The following LONP1 variants were observed in gnomAD, a reference collection of about 807,000 sequenced individuals.
LONP1 encodes lon protease homolog, mitochondrial.
LONP1 carries 31 observed loss-of-function variants against 98.5 expected under a neutral mutation model. The observed-to-expected ratio is 0.31, with a 90% CI of 0.24 to 0.42. The LOEUF (loss-of-function observed/expected upper bound fraction) is 0.42. LONP1 is among the 20% of genes least tolerant of loss of function. LONP1 has a pLI of 1.00. For missense variants in LONP1, 1,336 were observed against 1,350.6 expected (o/e 0.99, Z 0.17); for synonymous variants, 781 against 594.7 (o/e 1.31, Z -4.56).
chr19:5,714,641 C>T (rs1249138044), intron 1 of LONP1, among the ~76,000 whole-genome samples: 11 of 133,284 alleles, frequency 8.3e-5, no homozygotes, highest in African/African-American at 1.1e-4. Flanking sequence ...TTTTCTGAGA[C>T]GGAGTCTCGC....
chr19:5,696,134 T>C lies in LONP1; in HGVS notation c.1933A>G (p.Ile645Val), dbSNP rs775741225. The C allele has an allele frequency of 1.9e-6, 3 of 1,612,854 alleles. No homozygotes were observed. Among genetic ancestry groups the C allele is most frequent in the African/African-American group, 1.3e-5 (1 of 74,910 alleles). The change falls in exon 13 of 18, where the codon ATC becomes GTC. Residue 645 changes from isoleucine to valine, a missense_variant. Around this residue, in one of 5 missense-constraint regions of LONP1, gnomAD observed 555 missense variants for 542.6 expected, o/e 1.02. Coordinates refer to ENST00000360614, the MANE Select transcript of LONP1 (RefSeq NM_004793.4). ...FICTANVTDT[I>V]PEPLRDRMEM... Reference sequence around the variant, plus strand: ...ATACGGTCTCGCAGCGGCTCGGGGATGGTGTCCGTGACGTTGGCCGTGCAG... The same window carrying C: ...ATACGGTCTCGCAGCGGCTCGGGGACGGTGTCCGTGACGTTGGCCGTGCAG...
chr19:5,702,256 G>A (rs1295705583), intron 8 of LONP1, among the ~76,000 whole-genome samples: 1 of 135,386 alleles, frequency 7.4e-6, no homozygotes, highest in Non-Finnish European at 1.6e-5. Context: ...GGAGGTTGGG[G>A]GGGGGGTCAG....
At chr19:5,712,089 C>T in intron 3 of LONP1, 87 bp from the exon 4 acceptor site, 1 of 1,138,596 alleles carries the variant, frequency 8.8e-7, no homozygotes, top group Non-Finnish European at 1.2e-6. Flanking sequence ...ACAGGTGGTC[C>T]AAGGGTCCCG....
chr19:5,693,850 A>G (rs2054876672), intron 15 of LONP1, 81 bp from the exon 16 acceptor site: 1 of 1,189,726 alleles, frequency 8.4e-7, no homozygotes, highest in African/African-American at 1.5e-5. Context: ...GGCCACTCTG[A>G]CCGCTCCTGC....
At chr19:5,720,161 C>T, upstream of LONP1, 3 of 1,390,252 alleles carry the variant, frequency 2.2e-6, no homozygotes, top group Non-Finnish European at 2.8e-6. Context: ...GCTCACACAA[C>T]TCGCGTCATT....
intron 8 of LONP1, among the ~76,000 whole-genome samples, chr19:5,702,552 C>T (rs1419345339): frequency 6.6e-6 from 1 of 152,092 alleles, no homozygotes; most frequent in Non-Finnish European, 1.5e-5. Flanking sequence ...TGAGAACGGG[C>T]CATGATGACA....
At chr19:5,694,645 G>GGGGTGGTGGGGTGATGGGCGCT in intron 14 of LONP1, 93 bp from the exon 15 acceptor site, 3 of 1,561,908 alleles carry the variant, frequency 1.9e-6, no homozygotes, top group Non-Finnish European at 1.7e-6. Context: ...TGACGGGCGC[G>GGGGTGGTGGGGTGATGGGCGCT]GGGTGGTGGG....
intron 1 of LONP1, 34 bp downstream of exon 1, chr19:5,719,670 G>T: frequency 6.2e-7 from 1 of 1,613,426 alleles, no homozygotes; most frequent in Non-Finnish European, 8.5e-7. Context: ...TGCACAGGTG[G>T]GAAACCTGAG....
At chr19:5,694,212 G>A (rs767319709) in intron 15 of LONP1, among the ~76,000 whole-genome samples, 175 bp downstream of exon 15, 5 of 152,230 alleles carry the variant, frequency 3.3e-5, no homozygotes, top group Admixed American at 6.5e-5. Flanking sequence ...ACCCCCATGT[G>A]TCACAGCCTT....
chr19:5,692,143 C>A lies in LONP1; in HGVS notation c.2769G>T (p.Leu923=). 1 of 1,614,146 alleles carries A rather than the reference C, an allele frequency of 6.2e-7. No individual in the cohort carries two copies. Among genetic ancestry groups the A allele is most frequent in the Non-Finnish European group, 8.5e-7 (1 of 1,179,998 alleles). The change falls in exon 18 of 18, where the codon CTG becomes CTT. Residue 923 remains leucine (L), a synonymous_variant. Transcript: ENST00000360614. ...PAENKKDFYD[L]AAFITEGLEV... is the part of the protein sequence containing the mutation. ...CCAGGCCCTCGGTGATGAAGGCTGC[C>A]AGGTCGTAGAAGTCCTTCTTGTTCT...
chr19:5,706,979 G>C (rs567117704), intron 7 of LONP1, 81 bp downstream of exon 7: 2 of 1,219,552 alleles, frequency 1.6e-6, no homozygotes, highest in Admixed American at 2.0e-5. Flanking sequence ...CGGTCCCTCC[G>C]TGTGCTCCAG....
At chr19:5,711,425 C>CA (rs1479153158) in intron 4 of LONP1, among the ~76,000 whole-genome samples, 1 of 152,188 alleles carries the variant, frequency 6.6e-6, no homozygotes, top group African/African-American at 2.4e-5. Context: ...ACCAACCTCC[C>CA]AGGCTTGGTG....
rs973038813 is a variant in LONP1 at position 5,693,482 on chromosome 19, T to C, written c.2539-20A>G. ...GGCGCCCTGTGGAGGCATGTGGGGA[T>C]AGTGGGTGAGCAGGTGGCCAGCAGC... is the stretch of plus-strand genomic sequence containing the variant. On this transcript the variant is annotated intron_variant, in intron 16 of 17. Coordinates refer to ENST00000360614, the MANE Select transcript of LONP1 (RefSeq NM_004793.4). 9.3e-6 allele frequency: 15 copies of C among 1,611,160 alleles called. No homozygotes were observed. Among genetic ancestry groups the C allele is most frequent in the Middle Eastern group, 1.6e-4 (1 of 6,068 alleles).
In LONP1 at chr19:5,694,545, C is replaced by T. The variant is rs890805355; in HGVS notation, c.2162G>A (p.Arg721Gln). 9.3e-6 allele frequency: 15 copies of T among 1,611,106 alleles called. No individual in the cohort carries two copies. The highest frequency in any genetic ancestry group is 5.3e-5 in the African/African-American group (4 of 74,814). ...GCTGACAATCTTGTAGGCCGATTTC[C>T]GTAACACCTGGGCGGTCAGGGCAAC... ...NLQKQVEKVL[R>Q]KSAYKIVSGE... Residue 721 changes from arginine (R) to glutamine (Q), a missense_variant, in exon 15 of 18, where the codon CGG (arginine) becomes CAG (glutamine). Physicochemically the swap from Arg to Gln is conservative, Grantham distance 43 (BLOSUM62 1). Coordinates refer to ENST00000360614, the MANE Select transcript of LONP1 (RefSeq NM_004793.4).
chr19:5,702,339 G>T (rs1287443669), intron 8 of LONP1, among the ~76,000 whole-genome samples: 1 of 144,678 alleles, frequency 6.9e-6, no homozygotes, highest in Non-Finnish European at 1.5e-5. Context: ...CAGCCGCCCC[G>T]TCCGGGAGGG....
chr19:5,704,256 C>T (rs895806166), intron 8 of LONP1, among the ~76,000 whole-genome samples: 11 of 152,306 alleles, frequency 7.2e-5, no homozygotes, highest in African/African-American at 2.4e-4. Context: ...TCTGGAGCCT[C>T]TGGGAGGGAC....
chr19:5,710,520 A>G (rs1332414130), intron 4 of LONP1, among the ~76,000 whole-genome samples: 1 of 152,030 alleles, frequency 6.6e-6, no homozygotes, highest in East Asian at 1.9e-4. Flanking sequence ...AGGTTAGACC[A>G]CTGGTGTGTG....
intron 9 of LONP1, 35 bp from the exon 10 acceptor site, chr19:5,699,240 C>T: frequency 6.8e-7 from 1 of 1,462,464 alleles, no homozygotes; most frequent in South Asian, 1.4e-5. Flanking sequence ...GGCACGTGAG[C>T]TGGGGAAGCC....
intron 4 of LONP1, among the ~76,000 whole-genome samples, chr19:5,709,989 T>C (rs995781534): frequency 2.0e-5 from 3 of 151,718 alleles, no homozygotes; most frequent in African/African-American, 2.4e-5. Flanking sequence ...ATTTGTAAGT[T>C]TGGTCGCTGT....
Sources: allele counts gnomAD v4.1 joint callset (sites outside exome capture counted in the v4.1 genomes callset), GRCh38; gene constraint gnomAD v4.1.1; regional missense constraint gnomAD v4.1.1; transcripts MANE v1.5; gene names NCBI Gene and HGNC (gene_info 2026-07-23, HGNC 2026-07-21).